Variants in STK31 observed in about 807,000 individuals in gnomAD.
STK31 encodes serine/threonine-protein kinase 31.
In STK31, 89 loss-of-function variants were observed where a neutral mutation model predicts 129.7. The ratio of observed to expected loss-of-function variants is 0.69; its 90% CI spans 0.58 to 0.82. The LOEUF (loss-of-function observed/expected upper bound fraction) is 0.82. STK31 is among the 40% of genes least tolerant of loss of function. The pLI, the probability that STK31 is intolerant of heterozygous loss-of-function variation, is 0.00. For missense variants in STK31, 1,187 were observed against 1,176.4 expected (o/e 1.01, Z -0.13); for synonymous variants, 448 against 395.3 (o/e 1.13, Z -1.58).
In STK31 at chr7:23,710,412, C is replaced by T. The variant is rs370513611; in HGVS notation, c.50+77C>T. On this transcript the variant is annotated intron_variant, in intron 1 of 23. Transcript: ENST00000355870. ...TTTCGTCGCTGCTTGCGTTTTAAGT[C>T]TCCAATCCTGGGACGAGGCCCATTT... The T allele has an allele frequency of 4.2e-4, 669 of 1,607,462 alleles. 1 individual carries two copies. In the African/African-American group the frequency reaches 6.9e-3, roughly 16 times the overall value.
At chr7:23,737,244 A>G (rs555650693) in intron 8 of STK31, among the ~76,000 whole-genome samples, 166 bp downstream of exon 8, 1 of 152,278 alleles carries the variant, frequency 6.6e-6, no homozygotes, top group East Asian at 1.9e-4. Flanking sequence ...ACTCCAGACT[A>G]ATCATCTTTG....
chr7:23,775,984 A>G (rs1347233701), intron 15 of STK31, among the ~76,000 whole-genome samples: 2 of 151,878 alleles, frequency 1.3e-5, no homozygotes, highest in Non-Finnish European at 1.5e-5. Flanking sequence ...ATGGCTCTTA[A>G]TATTTTGAGA....
chr7:23,824,251 C>G (rs1316034453), intron 23 of STK31, among the ~76,000 whole-genome samples: 6 of 152,154 alleles, frequency 3.9e-5, no homozygotes, highest in Non-Finnish European at 5.9e-5. Flanking sequence ...TCTTCCATTT[C>G]TTTGTATCCT....
intron 6 of STK31, among the ~76,000 whole-genome samples, chr7:23,732,613 A>G (rs1296805228): frequency 1.3e-5 from 2 of 152,198 alleles, no homozygotes; most frequent in South Asian, 2.1e-4. Context: ...AACTAAAATG[A>G]ATTTGAATTC....
chr7:23,831,044 A>G (rs1015231893), intron 23 of STK31, among the ~76,000 whole-genome samples: 1 of 152,226 alleles, frequency 6.6e-6, no homozygotes, highest in Admixed American at 6.5e-5. Flanking sequence ...TTTGTGGCTT[A>G]AGATATGGTC....
chr7:23,758,916 A>G (rs574563337), intron 10 of STK31, among the ~76,000 whole-genome samples: 4 of 152,340 alleles, frequency 2.6e-5, no homozygotes, highest in South Asian at 2.1e-4. Flanking sequence ...ACAAAAACAC[A>G]TACAGGCTCA....
At chr7:23,777,950 G>T (rs1394318655) in intron 15 of STK31, among the ~76,000 whole-genome samples, 2 of 152,146 alleles carry the variant, frequency 1.3e-5, no homozygotes, top group South Asian at 2.1e-4. Context: ...TTACAATTTG[G>T]TATGTTTTTG....
intron 23 of STK31, among the ~76,000 whole-genome samples, chr7:23,828,002 G>A (rs28833254): frequency 0.16 from 24,151 of 152,136 alleles, 3,415 homozygotes; most frequent in African/African-American, 0.38. Flanking sequence ...CAGTCCACCC[G>A]TACTGGGGGG....
intron 10 of STK31, among the ~76,000 whole-genome samples, chr7:23,762,365 G>C (rs556676954): frequency 6.6e-6 from 1 of 151,678 alleles, no homozygotes; most frequent in Non-Finnish European, 1.5e-5. Context: ...AATGCATAGA[G>C]TTCTTGGATA....
chr7:23,727,372 A>G, intron 5 of STK31, 57 bp downstream of exon 5: 7 of 1,498,590 alleles, frequency 4.7e-6, no homozygotes, highest in Non-Finnish European at 6.5e-6. Flanking sequence ...TTGTGGTTCA[A>G]AAATTTGATG....
At chr7:23,811,369 T>C (rs1439804586) in intron 22 of STK31, 1 of 369,530 alleles carries the variant, frequency 2.7e-6, no homozygotes, top group African/African-American at 2.2e-5. Context: ...CTTTGATTGA[T>C]TTAATGTAAT....
At chr7:23,795,879 G>C (rs540085791) in intron 22 of STK31, among the ~76,000 whole-genome samples, 1 of 152,324 alleles carries the variant, frequency 6.6e-6, no homozygotes, top group African/African-American at 2.4e-5. Context: ...CCCAATGCCT[G>C]TACCCCATTG....
chr7:23,729,394 ATATT>A, intron 6 of STK31, 145 bp downstream of exon 6: 1 of 700,394 alleles, frequency 1.4e-6, no homozygotes, highest in Non-Finnish European at 2.2e-6. Context: ...AAGCAATTAT[ATATT>A]TATGCTCATC....
At chr7:23,762,747 A>G in intron 10 of STK31, 54 bp from the exon 11 acceptor site, 1 of 1,589,126 alleles carries the variant, frequency 6.3e-7, no homozygotes, top group Non-Finnish European at 8.5e-7. Context: ...TATAGGTCAT[A>G]TGCGGAAAAG....
intron 16 of STK31, 25 bp from the exon 17 acceptor site, chr7:23,783,558 A>G: frequency 1.3e-6 from 2 of 1,578,596 alleles, no homozygotes; most frequent in Non-Finnish European, 1.7e-6. Context: ...ATCTACAGTT[A>G]AAAACTTTTT....
intron 15 of STK31, among the ~76,000 whole-genome samples, 176 bp downstream of exon 15, chr7:23,772,454 T>C (rs1170951517): frequency 2.0e-5 from 3 of 152,290 alleles, no homozygotes; most frequent in Middle Eastern, 3.4e-3. Context: ...GAGATTACAG[T>C]AATAGTGTAA....
chr7:23,762,065 T>C (rs1367039987), intron 10 of STK31, among the ~76,000 whole-genome samples: 1 of 151,404 alleles, frequency 6.6e-6, no homozygotes, highest in African/African-American at 2.4e-5. Context: ...TTATAGGTAA[T>C]AGAGATTAAA....
intron 15 of STK31, among the ~76,000 whole-genome samples, chr7:23,772,808 CT>C (rs1790284464): frequency 1.3e-5 from 2 of 152,102 alleles, no homozygotes; most frequent in Non-Finnish European, 2.9e-5. Flanking sequence ...AGGCTTGAAA[CT>C]TTGTGAATAA....
intron 8 of STK31, among the ~76,000 whole-genome samples, chr7:23,750,985 G>A (rs191707490): frequency 9.9e-5 from 15 of 152,184 alleles, no homozygotes; most frequent in South Asian, 6.2e-4. Context: ...ATCTAACTGC[G>A]TGTTTGTACT....
Sources: allele counts gnomAD v4.1 joint callset (sites outside exome capture counted in the v4.1 genomes callset), GRCh38; gene constraint gnomAD v4.1.1; transcripts MANE v1.5; gene names NCBI Gene and HGNC (gene_info 2026-07-23, HGNC 2026-07-21).